The following STAT5A variants were observed in gnomAD, a reference collection of about 807,000 sequenced individuals.
The protein encoded by STAT5A is signal transducer and activator of transcription 5A.
STAT5A carries 26 observed loss-of-function variants against 100.2 expected under a neutral mutation model. The observed-to-expected ratio is 0.26, with a 90% CI of 0.19 to 0.36. The LOEUF (loss-of-function observed/expected upper bound fraction) is 0.36, where lower values mean the gene tolerates loss of function less well. Among genes scored for constraint, STAT5A ranks in the 10% least tolerant of loss-of-function variants. STAT5A has a pLI of 1.00. For missense variants in STAT5A, 634 were observed against 1,027.5 expected (o/e 0.62, Z 5.24); for synonymous variants, 330 against 424.3 (o/e 0.78, Z 2.73).
chr17:42,298,196 C>T (rs1356100476), intron 5 of STAT5A, among the ~76,000 whole-genome samples: 1 of 151,594 alleles, frequency 6.6e-6, no homozygotes, highest in African/African-American at 2.4e-5. Flanking sequence ...TGGAGTCTTG[C>T]TCTGTTGCCT....
chr17:42,300,410 G>A, intron 7 of STAT5A, 129 bp downstream of exon 7: 5 of 1,281,174 alleles, frequency 3.9e-6, no homozygotes, highest in Non-Finnish European at 5.3e-6. Flanking sequence ...TCTCCAGGGA[G>A]CCTGGTTCCT....
intron 4 of STAT5A, among the ~76,000 whole-genome samples, chr17:42,292,989 C>G (rs1034842676): frequency 1.3e-5 from 2 of 152,108 alleles, no homozygotes; most frequent in Admixed American, 1.3e-4. Context: ...AGAACTAACA[C>G]AGGCAGGCTC....
At chr17:42,292,230 C>T (rs921065254) in intron 4 of STAT5A, among the ~76,000 whole-genome samples, 169 bp downstream of exon 4, 1 of 152,184 alleles carries the variant, frequency 6.6e-6, no homozygotes, top group Non-Finnish European at 1.5e-5. Flanking sequence ...GGTGGAGTGA[C>T]CCCCTGGATC....
chr17:42,307,802 G>A (rs1028686188), intron 15 of STAT5A, 79 bp downstream of exon 15: 13 of 1,569,448 alleles, frequency 8.3e-6, no homozygotes, highest in South Asian at 4.8e-5. Flanking sequence ...ACCCTCCATC[G>A]GGCCTGTGTC....
Position 42,311,480 on chromosome 17 carries a change from T to C in STAT5A, c.*811T>C, listed in dbSNP as rs2081081362. ...TTTGCTTGCCTCTCTGTTTGTAACC[T>C]TGTCGACAAAGAGGTAGAAAAGATT... is the stretch of plus-strand genomic sequence containing the variant. On this transcript the variant is annotated 3_prime_UTR_variant, in exon 19 of 19. Transcript: ENST00000590949. 1 of 152,276 alleles carries C rather than the reference T, an allele frequency of 6.6e-6. No homozygotes were observed. Among genetic ancestry groups the C allele is most frequent in the Admixed American group, 6.6e-5 (1 of 15,244 alleles). 9.4% of individuals were successfully genotyped at this position (152,276 alleles called of 1,614,324 possible). A position where few individuals can be genotyped will look rare whatever the true frequency, so the allele number is the denominator to read the frequency against.
chr17:42,310,415 G>C, intron 18 of STAT5A, 92 bp from the exon 19 acceptor site: 1 of 1,439,334 alleles, frequency 6.9e-7, no homozygotes, highest in Non-Finnish European at 9.6e-7. Context: ...CATGAGACGG[G>C]TTTGAGTGGA....
At chr17:42,293,735 C>T (rs997412284) in intron 4 of STAT5A, among the ~76,000 whole-genome samples, 5 of 152,246 alleles carry the variant, frequency 3.3e-5, no homozygotes, top group African/African-American at 1.2e-4. Context: ...GGCAGGGGAG[C>T]GTCCTGTGGA....
At chr17:42,297,461 T>C (rs976954372) in intron 5 of STAT5A, among the ~76,000 whole-genome samples, 2 of 152,028 alleles carry the variant, frequency 1.3e-5, no homozygotes, top group Admixed American at 6.6e-5. Context: ...GGTTTGGATC[T>C]ATCATGCAGT....
Position 42,300,800 on chromosome 17 carries a change from G to A in STAT5A, c.919G>A (p.Gly307Ser), listed in dbSNP as rs1177404299. Reference sequence around the variant, plus strand: ...CCTCTGCCAGCAGCTGCCCATCCCCGGCCCAGTGGAGGAGATGCTGGCCGA... The same window carrying A: ...CCTCTGCCAGCAGCTGCCCATCCCCAGCCCAGTGGAGGAGATGCTGGCCGA... ...EHLCQQLPIP[G>S]PVEEMLAEVN... is the part of the protein sequence containing the mutation. Residue 307 changes from glycine to serine, a missense_variant, in exon 8 of 19, where the codon GGC (glycine) becomes AGC (serine). Gly to Ser is a moderately conservative substitution (Grantham distance 56). Coordinates refer to ENST00000590949, the MANE Select transcript of STAT5A (RefSeq NM_001288718.2). 1.2e-5 allele frequency: 19 copies of A among 1,612,228 alleles called. No individual in the cohort carries two copies. Among genetic ancestry groups the A allele is most frequent in the African/African-American group, 2.7e-5 (2 of 74,774 alleles).
Position 42,291,543 on chromosome 17 carries a change from C to A in STAT5A, c.286-429C>A, listed in dbSNP as rs1423007727. Among the ~76,000 whole-genome samples the A allele has an allele frequency of 3.3e-5, 5 of 152,122 alleles. No individual in the cohort carries two copies. The East Asian group carries it at 9.7e-4, about 29-fold the overall frequency. On this transcript the variant is annotated intron_variant, in intron 3 of 18. Transcript: ENST00000590949. The stretch of plus-strand genomic sequence containing the variant: ...ACCAGCCTGACCAACGTGGAGAAAC[C>A]CCGCCTCTACTAAAAATACAAAATT...
chr17:42,301,505 C>T (rs1567691333), intron 9 of STAT5A, 51 bp downstream of exon 9: 3 of 1,605,584 alleles, frequency 1.9e-6, no homozygotes, highest in Middle Eastern at 1.7e-4. Context: ...GGGGGACCTG[C>T]ACCCCCCGCT....
At position 42,301,404 on chromosome 17, in the gene STAT5A, C is replaced by A. The variant is rs137869119; in HGVS notation, c.1119C>A (p.Ile373=). 2.5e-3 allele frequency: 4,056 copies of A among 1,614,206 alleles called. 5 individuals carry two copies. The highest frequency in any genetic ancestry group is 3.0e-3 in the Non-Finnish European group (3,568 of 1,180,028). The change falls in exon 9 of 19, where the codon ATC becomes ATA. Residue 373 remains isoleucine, a synonymous_variant. Transcript: ENST00000590949. ...ATCCCCCCCAGGTGAAGGCCACCAT[C>A]ATCAGTGAGCAGCAGGCCAAGTCTC... The part of the protein sequence containing the change: ...HMNPPQVKAT[I]ISEQQAKSLL...
At chr17:42,298,472 C>CTTT (rs1165911823) in intron 5 of STAT5A, among the ~76,000 whole-genome samples, 3 of 127,070 alleles carry the variant, frequency 2.4e-5, no homozygotes, top group Admixed American at 7.9e-5. Context: ...ATGATGGATA[C>CTTT]TTTTTTTTTT....
chr17:42,288,827 G>T lies in STAT5A; in HGVS notation c.-11+229G>T, dbSNP rs1402526663. ...GGGCGCCGTCCTGGCACGCCTCGGA[G>T]AGGGAGCACCTGTCGGGCTGGACCC... On this transcript the variant is annotated intron_variant, in intron 1 of 18. Transcript: ENST00000590949. This position sits in a 1 kb window ranked among gnomAD's most constrained non-coding sequence, Gnocchi z 4.8. 6.6e-6 allele frequency among the ~76,000 whole-genome samples: 1 copy of T among 151,808 alleles called. No homozygotes were observed. Among genetic ancestry groups the T allele is most frequent in the Non-Finnish European group, 1.5e-5 (1 of 68,028 alleles).
Position 42,307,671 on chromosome 17 carries a change from CT to C in STAT5A, c.1857del (p.Phe619LeufsTer25). ...NKPDGTFLLR[F>X]SDSEIGGITI... is the part of the protein sequence containing the mutation. ...AGCCCGACGGGACCTTCTTGTTGCG[CT>C]TTAGTGACTCAGAAATCGGGGGCAT... is the stretch of plus-strand genomic sequence containing the variant. On this transcript the variant is annotated frameshift_variant, in exon 15 of 19. Transcript: ENST00000590949. LOFTEE classifies it high-confidence loss of function. 1 of 1,614,110 alleles carries C rather than the reference CT, an allele frequency of 6.2e-7. No homozygotes were observed. The highest frequency in any genetic ancestry group is 8.5e-7 in the Non-Finnish European group (1 of 1,180,006).
At chr17:42,289,817 T>A in intron 2 of STAT5A, 49 bp from the exon 3 acceptor site, 1 of 1,463,922 alleles carries the variant, frequency 6.8e-7, no homozygotes, top group Non-Finnish European at 9.0e-7. Flanking sequence ...CTGACCTCCT[T>A]GCCCAAGGAG....
chr17:42,308,530 A>G lies in STAT5A; in HGVS notation c.2062+197A>G. ...GGAGAGGGAACGAGAAACCCGTCCC[A>G]GCTCTCTTCTCTGCAAAGTGAAAGC... On this transcript the variant is annotated intron_variant, in intron 16 of 18. Coordinates refer to ENST00000590949, the MANE Select transcript of STAT5A (RefSeq NM_001288718.2). The surrounding 1 kb of genome is among the most constrained non-coding windows in gnomAD (Gnocchi z 4.6). 1.5e-6 allele frequency: 1 copy of G among 684,480 alleles called. No individual in the cohort carries two copies. The highest frequency in any genetic ancestry group is 2.4e-6 in the Non-Finnish European group (1 of 415,494). 42.4% of individuals were successfully genotyped at this position (684,480 alleles called of 1,614,324 possible). A position where few individuals can be genotyped will look rare whatever the true frequency, so the allele number is the denominator to read the frequency against.
chr17:42,290,063 A>C (rs887142197), intron 3 of STAT5A, 41 bp downstream of exon 3: 11 of 1,556,188 alleles, frequency 7.1e-6, no homozygotes, highest in African/African-American at 1.4e-5. Flanking sequence ...AGGAAGCATC[A>C]TCTTGTTCCA....
At position 42,295,786 on chromosome 17, in the gene STAT5A, G is replaced by T; in HGVS notation, c.543G>T (p.Arg181Ser). The T allele has an allele frequency of 1.2e-6, 2 of 1,613,970 alleles. No individual in the cohort carries two copies. The highest frequency in any genetic ancestry group is 1.7e-6 in the Non-Finnish European group (2 of 1,179,968). The change falls in exon 5 of 19, where the codon AGG (arginine) becomes AGT (serine). Residue 181 changes from arginine (R) to serine (S), a missense_variant. Physicochemically the swap from Arg to Ser is moderately radical, Grantham distance 110. This residue lies in a region of STAT5A where 207 missense variants were observed against 256.6 expected (regional missense o/e 0.81). Transcript: ENST00000590949. ...TCATCCAGTACCAGGAGAGCCTGAG[G>T]ATCCAAGGTGAGGCGCGGTGGAGGC... is the stretch of plus-strand genomic sequence containing the variant. ...YFIIQYQESL[R>S]IQAQFAQLAQ...
Sources: allele counts gnomAD v4.1 joint callset (sites outside exome capture counted in the v4.1 genomes callset), GRCh38; gene constraint gnomAD v4.1.1; regional missense constraint gnomAD v4.1.1; non-coding constraint Gnocchi (gnomAD v3.1); transcripts MANE v1.5; gene names NCBI Gene and HGNC (gene_info 2026-07-23, HGNC 2026-07-21).